The following HMGCLL1 variants were observed in gnomAD, a reference collection of about 807,000 sequenced individuals.
HMGCLL1 encodes the protein 3-hydroxy-3-methylglutaryl-CoA lyase like 1, also known as 3-hydroxymethyl-3-methylglutaryl-CoA lyase, cytoplasmic.
Under a neutral mutation model 39.1 loss-of-function variants are expected in HMGCLL1, and 36 were observed. The ratio of observed to expected loss-of-function variants is 0.92; its 90% CI spans 0.71 to 1.22. HMGCLL1 has a LOEUF of 1.22. Ranked by LOEUF, HMGCLL1 falls within the 50% of genes most tolerant of loss-of-function variation. The pLI is 0.00. For missense variants in HMGCLL1, 451 were observed against 416.5 expected (o/e 1.08, Z -0.72); for synonymous variants, 149 against 144.0 (o/e 1.03, Z -0.25).
intron 1 of HMGCLL1, chr6:55,577,066 C>T: frequency 6.2e-7 from 1 of 1,613,090 alleles, no homozygotes; most frequent in Non-Finnish European, 8.5e-7. Context: ...GATGGGGCAT[C>T]TGGATATTTA....
the HMGCLL1 span, among the ~76,000 whole-genome samples, chr6:55,603,246 A>G: frequency 2.0e-5 from 3 of 152,242 alleles, no homozygotes; most frequent in East Asian, 3.9e-4. Context: ...CTAAGAGAAT[A>G]TTTTAACCTT....
At chr6:55,615,878 G>A in the HMGCLL1 span, among the ~76,000 whole-genome samples, 1 of 152,018 alleles carries the variant, frequency 6.6e-6, no homozygotes, top group Non-Finnish European at 1.5e-5. Context: ...TGAGTGTAGA[G>A]TACCAAAATG....
the HMGCLL1 span, among the ~76,000 whole-genome samples, chr6:55,658,967 T>C: frequency 9.9e-4 from 151 of 151,990 alleles, 5 homozygotes; most frequent in East Asian, 0.026. Context: ...GTGTGGAGAA[T>C]GAACTGAAAG....
the HMGCLL1 span, among the ~76,000 whole-genome samples, chr6:55,674,697 C>T: frequency 6.6e-6 from 1 of 151,958 alleles, no homozygotes; most frequent in Admixed American, 6.6e-5. Context: ...GGATTGCATC[C>T]AACAAAGTTA....
chr6:55,499,328 T>G, intron 5 of HMGCLL1, 29 bp from the exon 6 acceptor site: 1 of 1,511,432 alleles, frequency 6.6e-7, no homozygotes, highest in Non-Finnish European at 9.0e-7. Context: ...CTTATAAATA[T>G]GCATATGGTA....
intron 5 of HMGCLL1, among the ~76,000 whole-genome samples, chr6:55,506,584 T>C (rs1767177112): frequency 1.3e-5 from 2 of 151,722 alleles, no homozygotes; most frequent in Admixed American, 1.3e-4. Context: ...TGAAATCTCA[T>C]ACCATGCTGT....
At chr6:55,584,170 G>C (rs1055382479), upstream of HMGCLL1, among the ~76,000 whole-genome samples, 1 of 152,044 alleles carries the variant, frequency 6.6e-6, no homozygotes, top group African/African-American at 2.4e-5. Context: ...TTGAGGGGAG[G>C]GGAAATAATC....
chr6:55,453,485 A>C (rs1257652975), intron 7 of HMGCLL1, among the ~76,000 whole-genome samples: 1 of 152,132 alleles, frequency 6.6e-6, no homozygotes, highest in Non-Finnish European at 1.5e-5. Flanking sequence ...TGAGATGTTT[A>C]TTGTAGGGGC....
At chr6:55,617,728 G>A in the HMGCLL1 span, among the ~76,000 whole-genome samples, 1 of 152,062 alleles carries the variant, frequency 6.6e-6, no homozygotes, top group Non-Finnish European at 1.5e-5. Flanking sequence ...TCTGGTAAAG[G>A]TGATGATATA....
At chr6:55,592,527 T>A in the HMGCLL1 span, among the ~76,000 whole-genome samples, 6 of 152,050 alleles carry the variant, frequency 3.9e-5, no homozygotes, top group East Asian at 1.2e-3. Context: ...GCTTAATAAT[T>A]CTTTGTTGTG....
the HMGCLL1 span, among the ~76,000 whole-genome samples, chr6:55,624,929 A>T: frequency 1.3e-5 from 2 of 152,214 alleles, no homozygotes; most frequent in Admixed American, 6.5e-5. Flanking sequence ...CCAATTTTTA[A>T]TGTGGTCCAG....
chr6:55,545,298 C>T (rs9370438), intron 1 of HMGCLL1, among the ~76,000 whole-genome samples: 98,221 of 151,424 alleles, frequency 0.65, 32,130 homozygotes, highest in Admixed American at 0.71. Flanking sequence ...AGTTGAAGAA[C>T]TGAGGACCTT....
At chr6:55,600,160 T>C in the HMGCLL1 span, among the ~76,000 whole-genome samples, 3 of 152,036 alleles carry the variant, frequency 2.0e-5, no homozygotes, top group Admixed American at 6.6e-5. Context: ...ATCTCTAAAA[T>C]CATATTTCAC....
At chr6:55,535,338 A>G (rs1326998684) in intron 3 of HMGCLL1, among the ~76,000 whole-genome samples, 1 of 152,218 alleles carries the variant, frequency 6.6e-6, no homozygotes, top group African/African-American at 2.4e-5. Flanking sequence ...GAGAAAAGAC[A>G]AGAATATGAA....
intron 7 of HMGCLL1, among the ~76,000 whole-genome samples, chr6:55,485,649 A>G (rs1765986397): frequency 6.6e-6 from 1 of 152,144 alleles, no homozygotes; most frequent in East Asian, 1.9e-4. Flanking sequence ...AAGAACAAGA[A>G]CAACAATTAA....
the HMGCLL1 span, among the ~76,000 whole-genome samples, chr6:55,604,100 TA>T: frequency 2.0e-5 from 3 of 152,126 alleles, no homozygotes; most frequent in African/African-American, 7.2e-5. Flanking sequence ...TTTTTTTCTT[TA>T]AAAGGAAAGC....
At chr6:55,650,133 A>ATATATATATATATATAT in the HMGCLL1 span, among the ~76,000 whole-genome samples, 2 of 67,260 alleles carry the variant, frequency 3.0e-5, no homozygotes, top group Admixed American at 1.7e-4. Context: ...ATATATATAT[A>ATATATATATATATATAT]TACACACACA....
At chr6:55,573,516 C>T (rs1771621240) in intron 1 of HMGCLL1, among the ~76,000 whole-genome samples, 1 of 151,948 alleles carries the variant, frequency 6.6e-6, no homozygotes, top group South Asian at 2.1e-4. Flanking sequence ...CATAGAAACA[C>T]TTTAACTCAA....
At chr6:55,543,168 A>ATATATAT in intron 1 of HMGCLL1, among the ~76,000 whole-genome samples, 1 of 6,726 alleles carries the variant, frequency 1.5e-4, no homozygotes, top group South Asian at 5.8e-3. Context: ...TATATATATA[A>ATATATAT]TATATAATAT....
Sources: allele counts gnomAD v4.1 joint callset (sites outside exome capture counted in the v4.1 genomes callset), GRCh38; gene constraint gnomAD v4.1.1; transcripts MANE v1.5; gene names NCBI Gene and HGNC (gene_info 2026-07-23, HGNC 2026-07-21).